The following GLCE variants were observed in gnomAD, a reference collection of about 807,000 sequenced individuals.
The protein encoded by GLCE is glucuronic acid epimerase, also known as D-glucuronyl C5-epimerase.
In GLCE, 19 loss-of-function variants were observed where a neutral mutation model predicts 47.9. That is an observed-to-expected ratio of 0.40 (90% CI 0.28 to 0.58). The LOEUF (loss-of-function observed/expected upper bound fraction) is 0.58. Among genes scored for constraint, GLCE ranks in the 20% least tolerant of loss-of-function variants. The pLI is 0.48. For synonymous variants in GLCE, 245 were observed against 263.4 expected (o/e 0.93, Z 0.68); for missense variants, 556 against 743.3 (o/e 0.75, Z 2.93).
rs371260737 is a variant in GLCE at position 69,235,057 on chromosome 15, G to A, written c.-13-20737G>A. Among the ~76,000 whole-genome samples, 20 of 125,644 alleles carry A rather than the reference G, an allele frequency of 1.6e-4. No homozygotes were observed. In the East Asian group the frequency reaches 4.5e-3, roughly 29 times the overall value. The allele number at this position is 125,644 out of a possible 152,430, so 82.4% of individuals were successfully genotyped here. A position where few individuals can be genotyped will look rare whatever the true frequency, so the allele number is the denominator to read the frequency against. On this transcript the variant is annotated intron_variant, in intron 2 of 4. Coordinates refer to ENST00000261858, the MANE Select transcript of GLCE (RefSeq NM_015554.3). Reference sequence around the variant, plus strand: ...AACAGATGTTTAACAAATATTTGTTGATTAAATGAACTGATACAGATAGAT... The same window carrying A: ...AACAGATGTTTAACAAATATTTGTTAATTAAATGAACTGATACAGATAGAT...
intron 1 of GLCE, among the ~76,000 whole-genome samples, chr15:69,203,746 G>A (rs2052109383): frequency 6.6e-6 from 1 of 151,988 alleles, no homozygotes; most frequent in Non-Finnish European, 1.5e-5. Flanking sequence ...TCCTTATAGA[G>A]GCTTTTTGTT....
intron 1 of GLCE, among the ~76,000 whole-genome samples, chr15:69,170,443 A>C (rs1404846629): frequency 6.6e-6 from 1 of 152,196 alleles, no homozygotes; most frequent in African/African-American, 2.4e-5. Flanking sequence ...TCCCAGAGGC[A>C]GCCATTGTTA....
chr15:69,270,997 A>T lies in GLCE; in HGVS notation c.*1753A>T, dbSNP rs1566976557. On this transcript the variant is annotated 3_prime_UTR_variant, in exon 5 of 5. Transcript: ENST00000261858. ...CCGATGTTCAAAATAAACTTTCTCC[A>T]GTCTGGGAACCTTTTTTACTTCCCC... The T allele has an allele frequency of 6.6e-6, 1 of 152,282 alleles. No homozygotes were observed. Among genetic ancestry groups the T allele is most frequent in the Non-Finnish European group, 1.5e-5 (1 of 68,014 alleles). The allele number at this position is 152,282 out of a possible 1,614,324, so 9.4% of individuals were successfully genotyped here.
At chr15:69,247,520 T>C (rs983843164) in intron 2 of GLCE, among the ~76,000 whole-genome samples, 3 of 152,236 alleles carry the variant, frequency 2.0e-5, no homozygotes, top group Non-Finnish European at 4.4e-5. Flanking sequence ...TTCACTGGAA[T>C]AGCAATTTTA....
At chr15:69,255,037 G>T (rs1301763257) in intron 2 of GLCE, among the ~76,000 whole-genome samples, 5 of 152,170 alleles carry the variant, frequency 3.3e-5, no homozygotes, top group African/African-American at 1.2e-4. Flanking sequence ...GAAACCATGG[G>T]AAGAAAATGT....
intron 2 of GLCE, among the ~76,000 whole-genome samples, chr15:69,250,931 A>T (rs949628940): frequency 6.6e-6 from 1 of 152,074 alleles, no homozygotes; most frequent in Non-Finnish European, 1.5e-5. Context: ...TTCAGTTAAC[A>T]GTCTTCATTT....
At chr15:69,215,707 G>A (rs892218899) in intron 2 of GLCE, among the ~76,000 whole-genome samples, 3 of 152,092 alleles carry the variant, frequency 2.0e-5, no homozygotes, top group Admixed American at 1.3e-4. Flanking sequence ...TTGCATTCCT[G>A]CCACCAATAT....
At chr15:69,223,856 C>T (rs1020649254) in intron 2 of GLCE, among the ~76,000 whole-genome samples, 2 of 151,950 alleles carry the variant, frequency 1.3e-5, no homozygotes, top group Non-Finnish European at 2.9e-5. Flanking sequence ...GCCTTTGAAT[C>T]TATATAGTGA....
At chr15:69,241,063 ATCG>A (rs1222795469) in intron 2 of GLCE, among the ~76,000 whole-genome samples, 3 of 152,202 alleles carry the variant, frequency 2.0e-5, no homozygotes, top group Non-Finnish European at 4.4e-5. Flanking sequence ...TAAAATCATC[ATCG>A]TCGTCGTCAT....
At position 69,204,576 on chromosome 15, in the gene GLCE, T is replaced by G. The variant is rs1245642958; in HGVS notation, c.-104-5740T>G. Among the ~76,000 whole-genome samples the G allele has an allele frequency of 3.3e-5, 5 of 152,122 alleles. No homozygotes were observed. The South Asian group carries it at 1.0e-3, about 32-fold the overall frequency. ...CTGGGATTACAAGCATGAGCCACCT[T>G]GCCTGGCCTGTTTTACTTTTTATTT... On this transcript the variant is annotated intron_variant, in intron 1 of 4. Coordinates refer to ENST00000261858, the MANE Select transcript of GLCE (RefSeq NM_015554.3).
intron 1 of GLCE, among the ~76,000 whole-genome samples, chr15:69,207,457 G>A (rs1230544820): frequency 2.6e-5 from 4 of 151,954 alleles, no homozygotes; most frequent in Admixed American, 2.0e-4. Flanking sequence ...AAAATCTCCT[G>A]TAGTTTTGCA....
At chr15:69,165,033 T>G (rs941193972) in intron 1 of GLCE, among the ~76,000 whole-genome samples, 1 of 152,202 alleles carries the variant, frequency 6.6e-6, no homozygotes, top group Non-Finnish European at 1.5e-5. Flanking sequence ...CTTTTCTTTC[T>G]CTTTCTTTCT....
intron 2 of GLCE, among the ~76,000 whole-genome samples, chr15:69,230,415 A>T (rs561023234): frequency 1.5e-4 from 23 of 152,250 alleles, no homozygotes; most frequent in Admixed American, 5.2e-4. Context: ...CTAATAATGG[A>T]GCATTAAAAT....
chr15:69,251,044 C>G (rs2052837765), intron 2 of GLCE, among the ~76,000 whole-genome samples: 2 of 152,106 alleles, frequency 1.3e-5, no homozygotes, highest in Non-Finnish European at 2.9e-5. Context: ...AAAACACACA[C>G]AAAACAGCCC....
In GLCE at chr15:69,255,842, T is replaced by C. The variant is rs1305277211; in HGVS notation, c.36T>C (p.Thr12=). The C allele has an allele frequency of 6.2e-7, 1 of 1,613,504 alleles. No homozygotes were observed. The highest frequency in any genetic ancestry group is 8.5e-7 in the Non-Finnish European group (1 of 1,179,542). The change falls in exon 3 of 5, where the codon ACT becomes ACC. Residue 12 remains threonine (T), a synonymous_variant. Coordinates refer to ENST00000261858, the MANE Select transcript of GLCE (RefSeq NM_015554.3). ...TGGCAGCTCGGGTCAACTATAAGAC[T>C]TTGATTATTATCTGCGCACTCTTCA... ...RCLAARVNYK[T]LIIICALFTL...
intron 3 of GLCE, among the ~76,000 whole-genome samples, chr15:69,259,378 C>A (rs77412344): frequency 0.018 from 2,684 of 152,082 alleles, 59 homozygotes; most frequent in African/African-American, 0.047. Context: ...TTTTTTGGAT[C>A]TTTGTACCTC....
chr15:69,187,853 A>G (rs2051847289), intron 1 of GLCE, among the ~76,000 whole-genome samples: 1 of 152,252 alleles, frequency 6.6e-6, no homozygotes, highest in African/African-American at 2.4e-5. Flanking sequence ...GCTTGAAGTC[A>G]GGAGTTCGAG....
intron 2 of GLCE, among the ~76,000 whole-genome samples, chr15:69,240,161 C>T (rs2052646248): frequency 6.6e-6 from 1 of 151,950 alleles, no homozygotes; most frequent in Non-Finnish European, 1.5e-5. Flanking sequence ...TTATATACTT[C>T]CTGATGAAGG....
intron 1 of GLCE, among the ~76,000 whole-genome samples, chr15:69,162,883 G>A (rs555969159): frequency 6.6e-6 from 1 of 152,228 alleles, no homozygotes; most frequent in East Asian, 1.9e-4. Context: ...ACCATGCCAG[G>A]CCTCTTAGAT....
Sources: gnomAD v4.1 joint callset for allele counts (sites outside exome capture counted in the v4.1 genomes callset) on GRCh38, gnomAD v4.1.1 for gene constraint, MANE v1.5 for transcripts, NCBI Gene and HGNC (gene_info 2026-07-23, HGNC 2026-07-21) for gene names.